The following SUPV3L1 variants were observed in gnomAD, a reference collection of about 807,000 sequenced individuals.
SUPV3L1 encodes the protein ATP-dependent RNA helicase SUPV3L1, mitochondrial.
In SUPV3L1, 35 loss-of-function variants were observed where a neutral mutation model predicts 70.0. The observed-to-expected ratio is 0.50, with a 90% CI of 0.38 to 0.66. The LOEUF (loss-of-function observed/expected upper bound fraction) is 0.66, where lower values mean the gene tolerates loss of function less well. Ranked by LOEUF, SUPV3L1 falls within the 30% of genes least tolerant of loss-of-function variation. The pLI, the probability that SUPV3L1 is intolerant of heterozygous loss-of-function variation, is 0.00. For synonymous variants in SUPV3L1, 364 were observed against 341.9 expected, an observed-to-expected ratio of 1.06 and a Z score of -0.71; for missense variants, 777 against 961.5, an observed-to-expected ratio of 0.81 and a Z score of 2.54.
At chr10:69,207,384 C>T (rs1050425474) in intron 13 of SUPV3L1, among the ~76,000 whole-genome samples, 1 of 152,148 alleles carries the variant, frequency 6.6e-6, no homozygotes, top group Non-Finnish European at 1.5e-5. Flanking sequence ...ACGATCATGG[C>T]GCACTGCAGC....
chr10:69,202,611 C>A, intron 12 of SUPV3L1, 92 bp downstream of exon 12: 1 of 1,292,238 alleles, frequency 7.7e-7, no homozygotes, highest in South Asian at 1.4e-5. Context: ...GGATAGTCTG[C>A]CTTTGAGAAG....
intron 3 of SUPV3L1, 59 bp downstream of exon 3, chr10:69,186,609 C>T: frequency 1.4e-6 from 2 of 1,402,298 alleles, no homozygotes; most frequent in Non-Finnish European, 2.0e-6. Flanking sequence ...TCTTCTCATA[C>T]TTCATGCTCA....
intron 11 of SUPV3L1, among the ~76,000 whole-genome samples, chr10:69,202,021 A>C (rs1204432385): frequency 6.6e-6 from 1 of 151,266 alleles, no homozygotes; most frequent in Non-Finnish European, 1.5e-5. Context: ...TTGCATTTTT[A>C]GTAGAGACGG....
In SUPV3L1 at chr10:69,191,707, A is replaced by G. The variant is rs1283156481; in HGVS notation, c.794A>G (p.Asn265Ser). 1 of 1,614,016 alleles carries G rather than the reference A, an allele frequency of 6.2e-7. No individual in the cohort carries two copies. The highest frequency in any genetic ancestry group is 2.2e-5 in the East Asian group (1 of 44,880). Residue 265 changes from asparagine (N) to serine (S), a missense_variant, in exon 6 of 15, where the codon AAT becomes AGT. Asn to Ser is a conservative substitution (Grantham distance 46, BLOSUM62 1). Transcript: ENST00000359655. ...TGEERVTVQP[N>S]GKQASHVSCT... ...GAAGAGCGTGTGACAGTTCAGCCAA[A>G]TGGGAAACAGGCTTCACATGTTTCT...
chr10:69,192,531 A>G (rs538828184), intron 6 of SUPV3L1: 4 of 152,314 alleles, frequency 2.6e-5, no homozygotes, highest in East Asian at 1.9e-4. Flanking sequence ...GTTTAGATCT[A>G]TCTAGTCTTA....
In SUPV3L1 at chr10:69,202,477, G is replaced by A; in HGVS notation, c.1557G>A (p.Met519Ile). 6.2e-7 allele frequency: 1 copy of A among 1,613,374 alleles called. No individual in the cohort carries two copies. Among genetic ancestry groups the A allele is most frequent in the Non-Finnish European group, 8.5e-7 (1 of 1,179,604 alleles). ...ATCCAACTGCTGAGCAGATTGAAAT[G>A]TTTGCCTACCATCTCCCTGATGCAA... ...GLHPTAEQIE[M>I]FAYHLPDATL... The change falls in exon 12 of 15, where the codon ATG (methionine) becomes ATA (isoleucine). Residue 519 changes from methionine (M) to isoleucine (I), a missense_variant. By Grantham distance (10) the Met-to-Ile change is conservative. Coordinates refer to ENST00000359655, the MANE Select transcript of SUPV3L1 (RefSeq NM_003171.5).
In SUPV3L1 at chr10:69,209,031, A is replaced by G. The variant is rs753530937; in HGVS notation, c.2357A>G (p.Asp786Gly). The G allele has an allele frequency of 1.3e-6, 2 of 1,542,524 alleles. No individual in the cohort carries two copies. Among genetic ancestry groups the G allele is most frequent in the Admixed American group, 4.5e-5 (2 of 44,636 alleles). Residue 786 changes from aspartate to glycine, a missense_variant, in exon 15 of 15, where the codon GAC (aspartate) becomes GGC (glycine). Asp to Gly is a moderately conservative substitution (Grantham distance 94). Coordinates refer to ENST00000359655, the MANE Select transcript of SUPV3L1 (RefSeq NM_003171.5). Reference sequence around the variant, plus strand: ...AGAAAGAAGAAGGAACCTGATTCGGACTAGTTTTCTGTTCCTGTTTTTTTT... The same window carrying G: ...AGAAAGAAGAAGGAACCTGATTCGGGCTAGTTTTCTGTTCCTGTTTTTTTT... ...TRRKKKEPDS[D>G] is the part of the protein sequence containing the mutation.
intron 13 of SUPV3L1, among the ~76,000 whole-genome samples, chr10:69,205,357 T>C (rs1317670346): frequency 1.3e-5 from 2 of 152,122 alleles, no homozygotes; most frequent in African/African-American, 4.8e-5. Context: ...GTAGGGAGTC[T>C]CTGGAACATG....
Position 69,187,560 on chromosome 10 carries a change from T to C in SUPV3L1, c.458-82T>C, listed in dbSNP as rs1842266470. The C allele has an allele frequency of 7.9e-6, 8 of 1,016,914 alleles. No individual in the cohort carries two copies. In the Admixed American group the frequency reaches 1.7e-4, roughly 22 times the overall value. The allele number at this position is 1,016,914 out of a possible 1,614,324, so 63.0% of individuals were successfully genotyped here. Reference sequence around the variant, plus strand: ...CCTGGCAGTGCCCCCGCAACTTAGCTTGTTAAGAAAAAAGATTTCACTAAA... The same window carrying C: ...CCTGGCAGTGCCCCCGCAACTTAGCCTGTTAAGAAAAAAGATTTCACTAAA... On this transcript the variant is annotated intron_variant, in intron 3 of 14. Coordinates refer to ENST00000359655, the MANE Select transcript of SUPV3L1 (RefSeq NM_003171.5).
intron 4 of SUPV3L1, among the ~76,000 whole-genome samples, chr10:69,188,592 A>G (rs1309283073): frequency 1.3e-5 from 2 of 152,060 alleles, no homozygotes; most frequent in Admixed American, 6.5e-5. Flanking sequence ...TGCACCTCAC[A>G]GGTTCAAGTG....
intron 1 of SUPV3L1, among the ~76,000 whole-genome samples, chr10:69,184,435 T>C (rs1250612262): frequency 1.3e-5 from 2 of 152,158 alleles, no homozygotes; most frequent in East Asian, 3.8e-4. Context: ...CTTGGGAGGC[T>C]GAGGCAGGAG....
At chr10:69,206,108 C>A (rs1842821865) in intron 13 of SUPV3L1, among the ~76,000 whole-genome samples, 1 of 152,108 alleles carries the variant, frequency 6.6e-6, no homozygotes, top group Non-Finnish European at 1.5e-5. Flanking sequence ...TGGGCTTCCA[C>A]TAGTTGTTTG....
Position 69,202,670 on chromosome 10 carries a change from CTT to C in SUPV3L1, c.1599+154_1599+155del, listed in dbSNP as rs1403479075. The C allele has an allele frequency of 5.6e-6, 6 of 1,071,578 alleles. No homozygotes were observed. The Admixed American group carries it at 1.4e-4, about 24-fold the overall frequency. 66.4% of individuals were successfully genotyped at this position (1,071,578 alleles called of 1,614,324 possible). ...ACAAGTGAAAATTTTTTCTCAAAAT[CTT>C]TTGGGACTTTAGCCCTGAGGAATTT... is the stretch of plus-strand genomic sequence containing the variant. On this transcript the variant is annotated intron_variant, in intron 12 of 14. Coordinates refer to ENST00000359655, the MANE Select transcript of SUPV3L1 (RefSeq NM_003171.5).
At chr10:69,194,285 T>A (rs1842477615) in intron 6 of SUPV3L1, among the ~76,000 whole-genome samples, 1 of 152,116 alleles carries the variant, frequency 6.6e-6, no homozygotes, top group Non-Finnish European at 1.5e-5. Flanking sequence ...GATGGGAGGA[T>A]TGCTTGAGGC....
Position 69,197,091 on chromosome 10 carries a change from AT to A in SUPV3L1, c.1023+10del. On this transcript the variant is annotated intron_variant, in intron 8 of 14. Coordinates refer to ENST00000359655, the MANE Select transcript of SUPV3L1 (RefSeq NM_003171.5). Reference sequence around the variant, plus strand: ...ACGGGGGAGGAAGTGGAGGTATTCGATTAGATGCTTTGTTCTCCAGGTGGCA... The same window carrying A: ...ACGGGGGAGGAAGTGGAGGTATTCGATAGATGCTTTGTTCTCCAGGTGGCA... The A allele has an allele frequency of 6.2e-7, 1 of 1,613,208 alleles. No homozygotes were observed. The highest frequency in any genetic ancestry group is 8.5e-7 in the Non-Finnish European group (1 of 1,179,222).
chr10:69,195,907 G>A (rs1356715048), intron 7 of SUPV3L1, among the ~76,000 whole-genome samples: 1 of 151,772 alleles, frequency 6.6e-6, no homozygotes, highest in East Asian at 1.9e-4. Context: ...CATGCCCCCT[G>A]GTTAACTTTT....
At chr10:69,194,870 A>C (rs1207733172) in intron 6 of SUPV3L1, among the ~76,000 whole-genome samples, 1 of 148,866 alleles carries the variant, frequency 6.7e-6, no homozygotes, top group Non-Finnish European at 1.5e-5. Flanking sequence ...TAGACTTTGG[A>C]GCTAGATGGC....
chr10:69,190,087 C>A (rs1256226633), intron 5 of SUPV3L1, among the ~76,000 whole-genome samples: 1 of 152,136 alleles, frequency 6.6e-6, no homozygotes, highest in Non-Finnish European at 1.5e-5. Context: ...TAAGCTTGAA[C>A]CTATTACACC....
In SUPV3L1 at chr10:69,189,329, GAA is replaced by G. The variant is rs1489692367; in HGVS notation, c.637_638del (p.Lys213AspfsTer26). ...TTTCATTCAGGCCCCACAAACAGTG[GAA>G]AGACTTATCACGCAATCCAGAAATA... On this transcript the variant is annotated frameshift_variant, in exon 5 of 15. Transcript: ENST00000359655. LOFTEE classifies it high-confidence loss of function. 6.2e-7 allele frequency: 1 copy of G among 1,614,112 alleles called. No individual in the cohort carries two copies. Among genetic ancestry groups the G allele is most frequent in the Non-Finnish European group, 8.5e-7 (1 of 1,180,018 alleles).
Sources: gnomAD v4.1 joint callset for allele counts (sites outside exome capture counted in the v4.1 genomes callset) on GRCh38, gnomAD v4.1.1 for gene constraint, MANE v1.5 for transcripts, NCBI Gene and HGNC (gene_info 2026-07-23, HGNC 2026-07-21) for gene names.